SMAD3: variants seen among roughly 807,000 people sequenced by gnomAD.
The protein encoded by SMAD3 is SMAD family member 3.
A neutral mutation model predicts 51.8 loss-of-function variants in SMAD3; 12 were observed. The observed-to-expected ratio is 0.23, with a 90% confidence interval of 0.15 to 0.38. The LOEUF (loss-of-function observed/expected upper bound fraction) is 0.38. SMAD3 is among the 10% of genes least tolerant of loss of function. SMAD3 has a pLI of 1.00. For synonymous variants in SMAD3, 238 were observed against 227.7 expected (o/e 1.05, Z -0.41); for missense variants, 294 against 565.6 (o/e 0.52, Z 4.87).
At chr15:67,087,856 T>G (rs1960427558) in intron 1 of SMAD3, among the ~76,000 whole-genome samples, 1 of 152,228 alleles carries the variant, frequency 6.6e-6, no homozygotes. Context: ...CTCCTCCCTT[T>G]TTACTTTACC....
intron 1 of SMAD3, among the ~76,000 whole-genome samples, chr15:67,093,994 A>T (rs1381759785): frequency 6.6e-6 from 1 of 152,228 alleles, no homozygotes; most frequent in Non-Finnish European, 1.5e-5. Flanking sequence ...CAGGCAAGGA[A>T]TCTGAACCCG....
At position 67,112,880 on chromosome 15, in the gene SMAD3, CTGTT is replaced by C. The variant is rs1442871213; in HGVS notation, c.206+46525_206+46528del. 1.5e-5 allele frequency among the ~76,000 whole-genome samples: 2 copies of C among 130,192 alleles called. 1 individual carries two copies. The highest frequency in any genetic ancestry group is 3.1e-5 in the Non-Finnish European group (2 of 63,758). 85.4% of individuals were successfully genotyped at this position (130,192 alleles called of 152,430 possible). ...ATGTGAATATCCAGATGTCCATGCA[CTGTT>C]TGTTGAGAAGAATGTGCTTTCCCCA... On this transcript the variant is annotated intron_variant, in intron 1 of 8. Coordinates refer to ENST00000327367, the MANE Select transcript of SMAD3 (RefSeq NM_005902.4).
At chr15:67,153,531 A>G (rs1265080787) in intron 1 of SMAD3, among the ~76,000 whole-genome samples, 1 of 152,118 alleles carries the variant, frequency 6.6e-6, no homozygotes, top group African/African-American at 2.4e-5. Flanking sequence ...CATCTTGCTC[A>G]TCTCAGAGCA....
At chr15:67,150,847 C>CTT (rs58914503) in intron 1 of SMAD3, among the ~76,000 whole-genome samples, 406 of 14,660 alleles carry the variant, frequency 0.028, 125 homozygotes, top group East Asian at 0.063. Flanking sequence ...ATTTCTCAGT[C>CTT]TTTTTTTTTT....
chr15:67,162,622 C>T (rs1386907503), intron 1 of SMAD3, among the ~76,000 whole-genome samples: 1 of 152,158 alleles, frequency 6.6e-6, no homozygotes, highest in Non-Finnish European at 1.5e-5. Flanking sequence ...CTGCCTGCCT[C>T]CCCGGCCTCG....
intron 5 of SMAD3, among the ~76,000 whole-genome samples, chr15:67,181,001 T>TAAAA (rs956456302): frequency 2.0e-5 from 3 of 150,614 alleles, no homozygotes; most frequent in Admixed American, 2.0e-4. Context: ...AATAAATAAA[T>TAAAA]AAATAAAAAG....
At chr15:67,104,007 G>A (rs1960820848) in intron 1 of SMAD3, among the ~76,000 whole-genome samples, 1 of 152,190 alleles carries the variant, frequency 6.6e-6, no homozygotes, top group Non-Finnish European at 1.5e-5. Flanking sequence ...CCTGGAGGAA[G>A]GAAAGGGGTG....
In SMAD3 at chr15:67,130,583, A is replaced by T. The variant is rs188838124; in HGVS notation, c.207-34312A>T. Among the ~76,000 whole-genome samples the T allele has an allele frequency of 5.3e-5, 8 of 152,310 alleles. No individual in the cohort carries two copies. The East Asian group carries it at 1.4e-3, about 26-fold the overall frequency. On this transcript the variant is annotated intron_variant, in intron 1 of 8. Transcript: ENST00000327367. The stretch of plus-strand genomic sequence containing the variant: ...TCTGAGGTGGAACAGTTTCGTCCTG[A>T]AACATCCCCCCCAACCCTCATCTCT...
Position 67,158,077 on chromosome 15 carries a change from A to G in SMAD3, c.207-6818A>G, listed in dbSNP as rs534095458. Among the ~76,000 whole-genome samples the G allele has an allele frequency of 1.6e-4, 25 of 152,214 alleles. No individual in the cohort carries two copies. In the South Asian group the frequency reaches 5.2e-3, roughly 32 times the overall value. ...TGCTAGCAGCTGGTCTTGGGCTGGG[A>G]GGAAGGGCTGGGCCAGGGAGAAGAG... On this transcript the variant is annotated intron_variant, in intron 1 of 8. Transcript: ENST00000327367.
chr15:67,105,372 C>T (rs1960854796), intron 1 of SMAD3, among the ~76,000 whole-genome samples: 1 of 152,142 alleles, frequency 6.6e-6, no homozygotes, highest in Non-Finnish European at 1.5e-5. Context: ...TCCACGGCCA[C>T]AGTGGAAACC....
intron 5 of SMAD3, among the ~76,000 whole-genome samples, chr15:67,175,586 C>A (rs921864112): frequency 6.6e-6 from 1 of 152,186 alleles, no homozygotes; most frequent in African/African-American, 2.4e-5. Context: ...GAGGACCCTC[C>A]CCCCAGGGTG....
At chr15:67,113,297 A>G (rs184171172) in intron 1 of SMAD3, among the ~76,000 whole-genome samples, 98 of 146,980 alleles carry the variant, frequency 6.7e-4, no homozygotes, top group African/African-American at 2.2e-3. Flanking sequence ...TCACCGTGTT[A>G]GCCAGGATGG....
At chr15:67,165,135 TCAC>T (rs754745070) in intron 2 of SMAD3, 47 bp downstream of exon 2, 1 of 1,610,282 alleles carries the variant, frequency 6.2e-7, no homozygotes, top group South Asian at 1.1e-5. Flanking sequence ...CCAGGGGTCA[TCAC>T]CTCTCCCCGG....
chr15:67,095,447 T>C (rs2140218249), intron 1 of SMAD3, among the ~76,000 whole-genome samples: 1 of 152,292 alleles, frequency 6.6e-6, no homozygotes, highest in Non-Finnish European at 1.5e-5. Context: ...GTGGCTGTCA[T>C]CAAGGCCATC....
chr15:67,183,699 G>C (rs540016013), intron 6 of SMAD3, among the ~76,000 whole-genome samples: 1 of 152,320 alleles, frequency 6.6e-6, no homozygotes, highest in East Asian at 1.9e-4. Flanking sequence ...TGCAGGAGAA[G>C]GGACCATCCC....
chr15:67,152,915 C>G (rs923968553), intron 1 of SMAD3, among the ~76,000 whole-genome samples: 8 of 152,298 alleles, frequency 5.3e-5, no homozygotes, highest in African/African-American at 1.9e-4. Context: ...TAACCGTCTT[C>G]TTTGCATGGG....
intron 1 of SMAD3, among the ~76,000 whole-genome samples, chr15:67,151,436 G>A (rs887721153): frequency 3.9e-5 from 6 of 152,126 alleles, no homozygotes; most frequent in East Asian, 3.9e-4. Context: ...GGGTTCAAGC[G>A]ATTCTCCTGC....
chr15:67,174,147 C>A (rs1456822712), intron 5 of SMAD3, among the ~76,000 whole-genome samples: 1 of 152,206 alleles, frequency 6.6e-6, no homozygotes, highest in Non-Finnish European at 1.5e-5. Flanking sequence ...CCAGCCCCCA[C>A]TCAGGAGGGA....
At chr15:67,124,551 A>G (rs1390555591) in intron 1 of SMAD3, among the ~76,000 whole-genome samples, 1 of 152,244 alleles carries the variant, frequency 6.6e-6, no homozygotes, top group African/African-American at 2.4e-5. Flanking sequence ...TAGAAAAAGA[A>G]AAAGATTTTG....
Sources: gnomAD v4.1 joint callset for allele counts (sites outside exome capture counted in the v4.1 genomes callset) on GRCh38, gnomAD v4.1.1 for gene constraint, MANE v1.5 for transcripts, NCBI Gene and HGNC (gene_info 2026-07-23, HGNC 2026-07-21) for gene names.